TPGS1: variants seen among roughly 807,000 people sequenced by gnomAD.
The protein encoded by TPGS1 is tubulin polyglutamylase complex subunit 1, also known as gene trap ROSA b-geo 22.
In TPGS1, 18 loss-of-function variants were observed where a neutral mutation model predicts 11.9. The observed-to-expected ratio is 1.51, with a 90% CI of 1.04 to 2.24. The LOEUF is 2.24. TPGS1 is among the 30% of genes most tolerant of loss of function. TPGS1 has a pLI of 0.00. For missense variants in TPGS1, 500 were observed against 443.0 expected (o/e 1.13, Z -1.16); for synonymous variants, 247 against 218.2 (o/e 1.13, Z -1.16).
chr19:511,337 C>G (rs551607167), intron 1 of TPGS1, among the ~76,000 whole-genome samples: 4 of 152,274 alleles, frequency 2.6e-5, no homozygotes, highest in African/African-American at 9.6e-5. Flanking sequence ...GGGCTGTCAC[C>G]TTCCTGTCTC....
chr19:508,034 C>A, intron 1 of TPGS1, 190 bp downstream of exon 1: 1 of 431,016 alleles, frequency 2.3e-6, no homozygotes, highest in Non-Finnish European at 3.9e-6. Context: ...CGGTCCGGCG[C>A]TAGGCAGCGC....
intron 1 of TPGS1, among the ~76,000 whole-genome samples, chr19:516,284 C>G (rs1978951490): frequency 6.6e-6 from 1 of 152,128 alleles, no homozygotes; most frequent in Admixed American, 6.6e-5. Flanking sequence ...AGGGCTTTTC[C>G]TATTTTTAAA....
intron 1 of TPGS1, chr19:508,935 G>A (rs1349602561): frequency 1.3e-5 from 2 of 152,532 alleles, no homozygotes; most frequent in Non-Finnish European, 2.9e-5. Flanking sequence ...ATTTGCTGGA[G>A]CCAGGTGGGA....
intron 1 of TPGS1, among the ~76,000 whole-genome samples, chr19:511,977 T>C (rs1271615284): frequency 6.6e-6 from 1 of 152,070 alleles, no homozygotes; most frequent in Non-Finnish European, 1.5e-5. Flanking sequence ...GTTGACGCCA[T>C]TCTCCTGCCT....
At position 519,566 on chromosome 19, in the gene TPGS1, G is replaced by A. The variant is rs1370226598; in HGVS notation, c.*143G>A. On this transcript the variant is annotated 3_prime_UTR_variant, in exon 2 of 2. Transcript: ENST00000359315. ...AGGAGGCCGGGGCTCCCAGGAAGCG[G>A]ACGCCCGGTCCCCACACAGCGCCGC... The A allele has an allele frequency of 7.8e-6, 6 of 766,408 alleles. No individual in the cohort carries two copies. Among genetic ancestry groups the A allele is most frequent in the Non-Finnish European group, 1.0e-5 (6 of 583,480 alleles). The allele number at this position is 766,408 out of a possible 1,614,324, so 47.5% of individuals were successfully genotyped here. A position where few individuals can be genotyped will look rare whatever the true frequency, so the allele number is the denominator to read the frequency against.
rs1979054718 is a variant in TPGS1 at position 518,894 on chromosome 19, C to T, written c.344C>T (p.Ala115Val). The T allele has an allele frequency of 2.0e-6, 3 of 1,527,680 alleles. No individual in the cohort carries two copies. The highest frequency in any genetic ancestry group is 2.8e-5 in the African/African-American group (2 of 70,442). 94.6% of individuals were successfully genotyped at this position (1,527,680 alleles called of 1,614,324 possible). A position where few individuals can be genotyped will look rare whatever the true frequency, so the allele number is the denominator to read the frequency against. Residue 115 changes from alanine (A) to valine (V), a missense_variant, in exon 2 of 2, where the codon GCC (alanine) becomes GTC (valine). Physicochemically the swap from Ala to Val is moderately conservative, Grantham distance 64 (BLOSUM62 0). Transcript: ENST00000359315. ...CAACGTCCCCGTCTCCGCAGGGCCG[C>T]CTTCAACAACAACGTGAGCGTGGCC... ...LRLAHHSQRA[A>V]FNNNVSVAYE...
chr19:518,077 TGGGTGCTGGGAGG>T (rs1979017671), intron 1 of TPGS1, among the ~76,000 whole-genome samples: 1 of 19,258 alleles, frequency 5.2e-5, no homozygotes, highest in African/African-American at 2.2e-4. Context: ...CCTGGCTGGG[TGGGTGCTGGGAGG>T]AGGGAGCCCC....
In TPGS1 at chr19:518,784, G is replaced by A. The variant is rs1196619507; in HGVS notation, c.339-105G>A. ...TAGGAGGAGAGGGGAGGCCAGGGCT[G>A]GCTGGGGGGTCGGGGAGGCTAGGGC... On this transcript the variant is annotated intron_variant, in intron 1 of 1. Coordinates refer to ENST00000359315, the MANE Select transcript of TPGS1 (RefSeq NM_033513.3). The A allele has an allele frequency of 3.9e-6, 5 of 1,277,272 alleles. No individual in the cohort carries two copies. In the African/African-American group the frequency reaches 8.0e-5, roughly 21 times the overall value. The allele number at this position is 1,277,272 out of a possible 1,614,324, so 79.1% of individuals were successfully genotyped here. A position where few individuals can be genotyped will look rare whatever the true frequency, so the allele number is the denominator to read the frequency against.
chr19:507,978 C>T (rs945036150), intron 1 of TPGS1, 134 bp downstream of exon 1: 15 of 650,640 alleles, frequency 2.3e-5, no homozygotes, highest in Non-Finnish European at 3.3e-5. Context: ...GCGATGCCTT[C>T]TTGGGTGGGA....
chr19:508,287 C>T (rs748465816), intron 1 of TPGS1: 3 of 155,854 alleles, frequency 1.9e-5, no homozygotes, highest in Non-Finnish European at 4.2e-5. Flanking sequence ...TCACCCAGGG[C>T]CCCCATCTTA....
chr19:511,007 G>A (rs1978778952), intron 1 of TPGS1, among the ~76,000 whole-genome samples: 2 of 152,242 alleles, frequency 1.3e-5, no homozygotes, highest in South Asian at 2.1e-4. Flanking sequence ...CTAAGGTGTA[G>A]GGTGGCTCCT....
intron 1 of TPGS1, chr19:508,130 A>G (rs1024902461): frequency 3.0e-6 from 1 of 337,456 alleles, no homozygotes; most frequent in African/African-American, 2.1e-5. Flanking sequence ...GCAGTTCATG[A>G]TTTTCAAAAT....
At chr19:511,009 G>A (rs1978779094) in intron 1 of TPGS1, among the ~76,000 whole-genome samples, 1 of 152,238 alleles carries the variant, frequency 6.6e-6, no homozygotes, top group Non-Finnish European at 1.5e-5. Flanking sequence ...AAGGTGTAGG[G>A]TGGCTCCTGT....
intron 1 of TPGS1, among the ~76,000 whole-genome samples, chr19:511,352 C>T (rs1303818551): frequency 6.6e-6 from 1 of 152,272 alleles, no homozygotes; most frequent in Non-Finnish European, 1.5e-5. Flanking sequence ...TGTCTCCTGC[C>T]GTCATCATGG....
chr19:510,913 C>T (rs1978776283), intron 1 of TPGS1, among the ~76,000 whole-genome samples: 1 of 152,244 alleles, frequency 6.6e-6, no homozygotes, highest in Non-Finnish European at 1.5e-5. Context: ...CCACTCCTTG[C>T]CAGGAGCTCC....
At chr19:514,521 A>G (rs1482141556) in intron 1 of TPGS1, among the ~76,000 whole-genome samples, 1 of 151,892 alleles carries the variant, frequency 6.6e-6, no homozygotes, top group East Asian at 1.9e-4. Flanking sequence ...GCTGCACACC[A>G]ACCCTGCATT....
chr19:512,710 C>T (rs2145832507), intron 1 of TPGS1, among the ~76,000 whole-genome samples: 1 of 152,396 alleles, frequency 6.6e-6, no homozygotes. Context: ...CGAGATGCCC[C>T]TGCAAGCCTC....
chr19:517,008 C>G (rs1262584632), intron 1 of TPGS1, among the ~76,000 whole-genome samples: 1 of 145,668 alleles, frequency 6.9e-6, no homozygotes, highest in Non-Finnish European at 1.5e-5. Context: ...CAGACAGATG[C>G]CTGCCGTTGA....
chr19:515,252 C>G (rs1175577900), intron 1 of TPGS1, among the ~76,000 whole-genome samples: 1 of 152,094 alleles, frequency 6.6e-6, no homozygotes, highest in Non-Finnish European at 1.5e-5. Context: ...AATACCACCA[C>G]TGGCCCCGAG....
Sources: gnomAD v4.1 joint callset for allele counts (sites outside exome capture counted in the v4.1 genomes callset) on GRCh38, gnomAD v4.1.1 for gene constraint, MANE v1.5 for transcripts, NCBI Gene and HGNC (gene_info 2026-07-23, HGNC 2026-07-21) for gene names.